Variants in OR56A3 observed in about 807,000 individuals in gnomAD.
OR56A3 encodes olfactory receptor family 56 subfamily A member 3, also known as olfactory receptor 56A3.
A neutral mutation model predicts 17.5 loss-of-function variants in OR56A3; 23 were observed. That is an observed-to-expected ratio of 1.32 (90% CI 0.95 to 1.87). The LOEUF is 1.87. Ranked by LOEUF, OR56A3 falls within the 40% of genes most tolerant of loss-of-function variation. The pLI is 0.00. For missense variants in OR56A3, 366 were observed against 380.1 expected (o/e 0.96, Z 0.31); for synonymous variants, 175 against 150.6 (o/e 1.16, Z -1.19).
chr11:5,971,450 G>C, the OR56A3 span, among the ~76,000 whole-genome samples: 1 of 152,088 alleles, frequency 6.6e-6, no homozygotes, highest in African/African-American at 2.4e-5. Context: ...ACAATTCCCA[G>C]ACTCTGATCC....
At chr11:5,946,783 T>A (rs1040423048) in intron 2 of OR56A3, among the ~76,000 whole-genome samples, 4 of 152,352 alleles carry the variant, frequency 2.6e-5, no homozygotes, top group Middle Eastern at 3.4e-3. Flanking sequence ...ATTTTAGATG[T>A]ATGATTTAAA....
the OR56A3 span, among the ~76,000 whole-genome samples, chr11:5,970,927 T>A: frequency 6.6e-6 from 1 of 152,202 alleles, no homozygotes; most frequent in Non-Finnish European, 1.5e-5. Flanking sequence ...GGAAGGCTGT[T>A]GACTTTTAAA....
At chr11:6,016,432 C>G in the OR56A3 span, among the ~76,000 whole-genome samples, 1 of 152,130 alleles carries the variant, frequency 6.6e-6, no homozygotes, top group Non-Finnish European at 1.5e-5. Context: ...GGAGACTACA[C>G]TACTGCAAGC....
At chr11:6,018,072 C>T in the OR56A3 span, among the ~76,000 whole-genome samples, 1 of 151,664 alleles carries the variant, frequency 6.6e-6, no homozygotes, top group Non-Finnish European at 1.5e-5. Context: ...GCACTCAACA[C>T]TGTAGCACCC....
chr11:5,942,562 T>G (rs1441957308), intron 1 of OR56A3, among the ~76,000 whole-genome samples, 188 bp downstream of exon 1: 1 of 152,222 alleles, frequency 6.6e-6, no homozygotes, highest in Non-Finnish European at 1.5e-5. Context: ...TATGGAAATT[T>G]AGTGGCTTGA....
chr11:6,012,072 T>C, the OR56A3 span, among the ~76,000 whole-genome samples: 3 of 152,218 alleles, frequency 2.0e-5, no homozygotes, highest in Non-Finnish European at 4.4e-5. Flanking sequence ...TCTTTTCACC[T>C]GCAATGTGGT....
Position 5,949,932 on chromosome 11 carries a change from C to T in OR56A3, c.*1638C>T, listed in dbSNP as rs1048066658. Reference sequence around the variant, plus strand: ...AAAGTGAAAAGCCATCTGTTAAGATCCGAGTAGATACACCTTTTTCTTTAT... The same window carrying T: ...AAAGTGAAAAGCCATCTGTTAAGATTCGAGTAGATACACCTTTTTCTTTAT... On this transcript the variant is annotated 3_prime_UTR_variant, in exon 3 of 3. Coordinates refer to ENST00000641160, the MANE Select transcript of OR56A3 (RefSeq NM_001003443.3). 6.6e-6 allele frequency: 1 copy of T among 152,118 alleles called. No individual in the cohort carries two copies. Among genetic ancestry groups the T allele is most frequent in the East Asian group, 1.9e-4 (1 of 5,206 alleles). The allele number at this position is 152,118 out of a possible 1,614,324, so 9.4% of individuals were successfully genotyped here.
rs1168897432 is a variant in OR56A3, at chr11:5,947,886, C to A, written c.540C>A (p.Asn180Lys). 6.2e-7 allele frequency: 1 copy of A among 1,614,114 alleles called. No homozygotes were observed. The highest frequency in any genetic ancestry group is 1.3e-5 in the African/African-American group (1 of 74,938). Residue 180 changes from asparagine (N) to lysine (K), a missense_variant, in exon 3 of 3, where the codon AAC becomes AAA. Physicochemically the swap from Asn to Lys is moderately conservative, Grantham distance 94. Transcript: ENST00000641160. ...LRYCGRNVIENCICANMSVSR... is the reference protein window; with the variant it reads ...LRYCGRNVIEKCICANMSVSR... Reference sequence around the variant, plus strand: ...ATTGTGGAAGAAATGTCATTGAGAACTGCATCTGTGCCAATATGTCTGTTT... The same window carrying A: ...ATTGTGGAAGAAATGTCATTGAGAAATGCATCTGTGCCAATATGTCTGTTT...
the OR56A3 span, chr11:5,986,171 TA>T: frequency 1.5e-5 from 25 of 1,613,874 alleles, no homozygotes; most frequent in Non-Finnish European, 2.1e-5. Context: ...CTAAACGCCT[TA>T]AGTCGGGCCT....
the OR56A3 span, among the ~76,000 whole-genome samples, chr11:6,010,163 A>G: frequency 1.3e-5 from 2 of 152,182 alleles, no homozygotes; most frequent in African/African-American, 4.8e-5. Flanking sequence ...AAACATAGCT[A>G]TGTTATATAT....
At chr11:5,968,416 G>T in the OR56A3 span, 5 of 1,607,936 alleles carry the variant, frequency 3.1e-6, no homozygotes, top group Non-Finnish European at 4.2e-6. Context: ...AGCCAGTGCT[G>T]CCAGCTCTGG....
chr11:5,984,073 T>C, the OR56A3 span, among the ~76,000 whole-genome samples: 1 of 152,216 alleles, frequency 6.6e-6, no homozygotes, highest in African/African-American at 2.4e-5. Flanking sequence ...AATTGCCTCA[T>C]GTCCAGGTGG....
the OR56A3 span, chr11:5,986,636 C>T: frequency 5.4e-5 from 87 of 1,613,788 alleles, no homozygotes; most frequent in African/African-American, 1.1e-3. Context: ...ACTGCAAGGG[C>T]TTTGGGTGCA....
the OR56A3 span, chr11:5,994,624 G>A: frequency 8.6e-5 from 67 of 780,200 alleles, no homozygotes; most frequent in Admixed American, 7.5e-4. Flanking sequence ...CATGGATTTC[G>A]CTCTTCACAG....
chr11:5,961,812 TG>T, the OR56A3 span, among the ~76,000 whole-genome samples: 1 of 152,022 alleles, frequency 6.6e-6, no homozygotes, highest in African/African-American at 2.4e-5. Flanking sequence ...TTGGGTGGTA[TG>T]GACATTTTAA....
chr11:5,986,970 G>A, the OR56A3 span: 1 of 1,583,696 alleles, frequency 6.3e-7, no homozygotes, highest in South Asian at 1.2e-5. Context: ...TTGTCCAAAT[G>A]GGGCAACCAT....
the OR56A3 span, among the ~76,000 whole-genome samples, chr11:6,008,862 C>T: frequency 6.6e-6 from 1 of 151,870 alleles, no homozygotes; most frequent in Non-Finnish European, 1.5e-5. Context: ...TGTATATATC[C>T]TGTATGTATT....
At chr11:5,974,773 T>C in the OR56A3 span, among the ~76,000 whole-genome samples, 1 of 152,178 alleles carries the variant, frequency 6.6e-6, no homozygotes, top group Non-Finnish European at 1.5e-5. Flanking sequence ...CCTCTCTGGG[T>C]CTCAGTTTTC....
chr11:5,945,947 A>C (rs1847867008), intron 2 of OR56A3, among the ~76,000 whole-genome samples: 1 of 152,240 alleles, frequency 6.6e-6, no homozygotes, highest in Admixed American at 6.5e-5. Flanking sequence ...CAAAAGGCTG[A>C]GAAGCGATAG....
Sources: gnomAD v4.1 joint callset for allele counts (sites outside exome capture counted in the v4.1 genomes callset) on GRCh38, gnomAD v4.1.1 for gene constraint, MANE v1.5 for transcripts, NCBI Gene and HGNC (gene_info 2026-07-23, HGNC 2026-07-21) for gene names.